The following C3orf20 variants were observed in gnomAD, a reference collection of about 807,000 sequenced individuals.
The protein encoded by C3orf20 is family with sequence similarity 149 member C, also known as uncharacterized protein C3orf20.
Under a neutral mutation model 88.3 loss-of-function variants are expected in C3orf20, and 76 were observed. The observed-to-expected ratio is 0.86, with a 90% CI of 0.72 to 1.04. The LOEUF (loss-of-function observed/expected upper bound fraction) is 1.04. Among genes scored for constraint, C3orf20 ranks in the 50% least tolerant of loss-of-function variants. The pLI, the probability that C3orf20 is intolerant of heterozygous loss-of-function variation, is 0.00. For missense variants in C3orf20, 1,056 were observed against 1,123.3 expected (o/e 0.94, Z 0.86); for synonymous variants, 436 against 437.4 (o/e 1.00, Z 0.04).
intron 13 of C3orf20, among the ~76,000 whole-genome samples, chr3:14,758,428 G>A (rs559248372): frequency 2.5e-4 from 38 of 152,134 alleles, no homozygotes; most frequent in Non-Finnish European, 3.5e-4. Flanking sequence ...CAGTAGAGTC[G>A]TTCCCACCTA....
intron 13 of C3orf20, among the ~76,000 whole-genome samples, chr3:14,758,852 A>G (rs1191838751): frequency 1.3e-5 from 2 of 152,186 alleles, no homozygotes; most frequent in Non-Finnish European, 2.9e-5. Context: ...CAGCAAAGCC[A>G]TGTTTGTTTT....
chr3:14,743,776 G>T (rs2034983238), intron 12 of C3orf20, among the ~76,000 whole-genome samples: 1 of 151,986 alleles, frequency 6.6e-6, no homozygotes, highest in Non-Finnish European at 1.5e-5. Context: ...GCCAAGGTTT[G>T]GGGCTTCCAC....
At position 14,728,660 on chromosome 3, in the gene C3orf20, A is replaced by G. The variant is rs766952624; in HGVS notation, c.1912A>G (p.Ile638Val). Residue 638 changes from isoleucine to valine, a missense_variant, in exon 12 of 17, where the codon ATC (isoleucine) becomes GTC (valine). By Grantham distance (29) the Ile-to-Val change is conservative. Coordinates refer to ENST00000253697, the MANE Select transcript of C3orf20 (RefSeq NM_032137.5). ...PVSPVRKTTKIHTKAKVTSRG... is the reference protein window; with the variant it reads ...PVSPVRKTTKVHTKAKVTSRG... The stretch of plus-strand genomic sequence containing the variant: ...GAGCCCAGTTCGGAAGACCACCAAA[A>G]TCCACACCAAAGCCAAGGTCACATC... The G allele has an allele frequency of 6.2e-7, 1 of 1,613,914 alleles. No homozygotes were observed. The highest frequency in any genetic ancestry group is 1.3e-5 in the African/African-American group (1 of 75,014).
At chr3:14,711,327 A>G (rs2033729578) in intron 7 of C3orf20, among the ~76,000 whole-genome samples, 1 of 152,104 alleles carries the variant, frequency 6.6e-6, no homozygotes, top group African/African-American at 2.4e-5. Context: ...TTAAATTTAT[A>G]TATATTGAGG....
intron 11 of C3orf20, among the ~76,000 whole-genome samples, chr3:14,727,567 G>C (rs890934592): frequency 6.6e-6 from 1 of 151,990 alleles, no homozygotes; most frequent in South Asian, 2.1e-4. Flanking sequence ...ATGGGCCTGG[G>C]AACAAGGATA....
chr3:14,693,946 G>A (rs1008774808), intron 5 of C3orf20, among the ~76,000 whole-genome samples: 1 of 152,162 alleles, frequency 6.6e-6, no homozygotes, highest in Non-Finnish European at 1.5e-5. Flanking sequence ...CAGTTGAAAT[G>A]GCCATAGGGT....
At chr3:14,690,330 A>G (rs2032663317) in intron 5 of C3orf20, among the ~76,000 whole-genome samples, 1 of 152,216 alleles carries the variant, frequency 6.6e-6, no homozygotes, top group Admixed American at 6.5e-5. Context: ...TGCATAGCAC[A>G]GGCTCATCAT....
At chr3:14,771,954 CAGG>C in intron 15 of C3orf20, 110 bp from the exon 16 acceptor site, 5 of 1,374,872 alleles carry the variant, frequency 3.6e-6, no homozygotes, top group Non-Finnish European at 4.0e-6. Flanking sequence ...TCGCTGCCCT[CAGG>C]AGGAGAAGCA....
chr3:14,691,074 A>G (rs560722436), intron 5 of C3orf20, among the ~76,000 whole-genome samples: 1 of 152,384 alleles, frequency 6.6e-6, no homozygotes, highest in African/African-American at 2.4e-5. Flanking sequence ...GTTATTGAAC[A>G]AATGGTTATT....
chr3:14,741,495 C>T (rs1233751288), intron 12 of C3orf20, among the ~76,000 whole-genome samples: 2 of 152,196 alleles, frequency 1.3e-5, no homozygotes, highest in South Asian at 2.1e-4. Context: ...ACTTGTGACT[C>T]TAATGCACTT....
intron 12 of C3orf20, among the ~76,000 whole-genome samples, chr3:14,749,805 GT>G: frequency 6.6e-6 from 1 of 151,210 alleles, no homozygotes; most frequent in Non-Finnish European, 1.5e-5. Context: ...CATCTTAAAT[GT>G]GTAACAATCT....
chr3:14,714,195 T>C, intron 8 of C3orf20, 36 bp downstream of exon 8: 1 of 1,607,916 alleles, frequency 6.2e-7, no homozygotes, highest in African/African-American at 1.3e-5. Flanking sequence ...CACACGGAAG[T>C]ACCTCTGAGG....
chr3:14,764,014 A>C (rs1342541247), intron 15 of C3orf20, among the ~76,000 whole-genome samples: 1 of 152,228 alleles, frequency 6.6e-6, no homozygotes, highest in Non-Finnish European at 1.5e-5. Context: ...AGATACACAC[A>C]TATACAAACT....
chr3:14,720,930 G>A (rs1480824692), intron 9 of C3orf20, among the ~76,000 whole-genome samples: 1 of 152,222 alleles, frequency 6.6e-6, no homozygotes, highest in Non-Finnish European at 1.5e-5. Context: ...TTATCAGGAG[G>A]CAGAACTGGG....
In C3orf20 at chr3:14,704,513, C is replaced by G. The variant is rs756965644; in HGVS notation, c.1055C>G (p.Pro352Arg). 6.2e-7 allele frequency: 1 copy of G among 1,614,190 alleles called. No homozygotes were observed. The highest frequency in any genetic ancestry group is 1.1e-5 in the South Asian group (1 of 91,086). ...CAGACTCTCAGCCCCACCTCTCACC[C>G]ATCTTCTGCCAACCATCATTTCAGT... ...GAQTLSPTSH[P>R]SSANHHFSQH... Residue 352 changes from proline (P) to arginine (R), a missense_variant, in exon 7 of 17, where the codon CCA becomes CGA. By Grantham distance (103) the Pro-to-Arg change is moderately radical. Coordinates refer to ENST00000253697, the MANE Select transcript of C3orf20 (RefSeq NM_032137.5).
chr3:14,683,764 T>C (rs1366660854), intron 3 of C3orf20, among the ~76,000 whole-genome samples: 1 of 149,998 alleles, frequency 6.7e-6, no homozygotes, highest in Admixed American at 6.7e-5. Flanking sequence ...TAATCCCAGC[T>C]ACGCAGAAGG....
At chr3:14,725,003 T>A (rs1235554276) in intron 10 of C3orf20, among the ~76,000 whole-genome samples, 1 of 152,172 alleles carries the variant, frequency 6.6e-6, no homozygotes, top group East Asian at 1.9e-4. Context: ...AGTGCTGCAT[T>A]ATAGAAAGCA....
rs1268410945 is a variant in C3orf20, at chr3:14,768,766, G to A, written c.2496-3301G>A. 3.3e-5 allele frequency among the ~76,000 whole-genome samples: 5 copies of A among 152,024 alleles called. No homozygotes were observed. The highest frequency in any genetic ancestry group is 6.5e-5 in the Admixed American group (1 of 15,284). ...CCATGGGGAGGTGGGCTCCACACCC[G>A]ACAAGGGCCTGTTCTTGTGGATGCT... On this transcript the variant is annotated intron_variant, in intron 15 of 16. Coordinates refer to ENST00000253697, the MANE Select transcript of C3orf20 (RefSeq NM_032137.5). This position sits in a 1 kb window ranked among gnomAD's most constrained non-coding sequence, Gnocchi z 4.1.
chr3:14,761,359 C>A, intron 14 of C3orf20, 114 bp from the exon 15 acceptor site: 3 of 1,275,594 alleles, frequency 2.4e-6, no homozygotes, highest in Non-Finnish European at 1.1e-6. Context: ...ACGGCGTAAG[C>A]TCTGAGAGGC....
Sources: allele counts gnomAD v4.1 joint callset (sites outside exome capture counted in the v4.1 genomes callset), GRCh38; gene constraint gnomAD v4.1.1; non-coding constraint Gnocchi (gnomAD v3.1); transcripts MANE v1.5; gene names NCBI Gene and HGNC (gene_info 2026-07-23, HGNC 2026-07-21).